The following GRM5 variants were observed in gnomAD, a reference collection of about 807,000 sequenced individuals.
GRM5 encodes the protein glutamate metabotropic receptor 5.
GRM5 carries 19 observed loss-of-function variants against 83.1 expected under a neutral mutation model. That is an observed-to-expected ratio of 0.23 (90% CI 0.16 to 0.34). GRM5 has a LOEUF of 0.34. GRM5 is among the 10% of genes least tolerant of loss of function. The pLI is 1.00. For synonymous variants in GRM5, 675 were observed against 633.6 expected (o/e 1.07, Z -0.98); for missense variants, 1,160 against 1,588.3 (o/e 0.73, Z 4.58).
At chr11:89,045,106 AC>A (rs761319425) in intron 2 of GRM5, among the ~76,000 whole-genome samples, 45 of 152,242 alleles carry the variant, frequency 3.0e-4, no homozygotes, top group Non-Finnish European at 2.4e-4. Context: ...ATTTCTTCCA[AC>A]CTTTGAATGT....
At chr11:88,780,399 CTT>C (rs1942951344) in intron 3 of GRM5, among the ~76,000 whole-genome samples, 1 of 152,142 alleles carries the variant, frequency 6.6e-6, no homozygotes, top group Non-Finnish European at 1.5e-5. Context: ...ATAGTCATGA[CTT>C]AACACTCCTC....
intron 2 of GRM5, among the ~76,000 whole-genome samples, chr11:88,995,544 CAAAAAAA>C (rs1022656205): frequency 4.7e-4 from 8 of 16,898 alleles, no homozygotes; most frequent in Admixed American, 8.5e-4. Context: ...GACTCCATCT[CAAAAAAA>C]AAAAAAAAAA....
intron 2 of GRM5, among the ~76,000 whole-genome samples, chr11:88,892,408 T>C (rs1279843530): frequency 6.6e-6 from 1 of 151,922 alleles, no homozygotes; most frequent in African/African-American, 2.4e-5. Context: ...GGACCTTAAG[T>C]GTAAAGTATT....
chr11:88,561,036 A>G lies in GRM5; in HGVS notation c.2630+6017T>C, dbSNP rs938154084. Among the ~76,000 whole-genome samples the G allele has an allele frequency of 3.3e-5, 5 of 152,230 alleles. No individual in the cohort carries two copies. In the South Asian group the frequency reaches 8.3e-4, roughly 25 times the overall value. ...TGGAAGATGAGTAGGATCTGGAGAG[A>G]TAGAAGGAAAAGGTGGAGGACTCTA... On this transcript the variant is annotated intron_variant, in intron 8 of 9. Coordinates refer to ENST00000305447, the MANE Select transcript of GRM5 (RefSeq NM_001143831.3).
rs183116430 is a variant in GRM5 at position 88,918,477 on chromosome 11, C to A, written c.662-68322G>T. 3.4e-4 allele frequency among the ~76,000 whole-genome samples: 51 copies of A among 151,520 alleles called. No individual in the cohort carries two copies. In the East Asian group the frequency reaches 9.7e-3, roughly 29 times the overall value. ...AAAAAAAAACCTGAGGGATTTCATC[C>A]ATACCAGATCTTTCCTAAAGAAAGT... On this transcript the variant is annotated intron_variant, in intron 2 of 9. Coordinates refer to ENST00000305447, the MANE Select transcript of GRM5 (RefSeq NM_001143831.3).
chr11:88,909,439 C>T (rs1169885238), intron 2 of GRM5, among the ~76,000 whole-genome samples: 3 of 149,888 alleles, frequency 2.0e-5, no homozygotes, highest in Non-Finnish European at 4.4e-5. Context: ...ACTACACTGC[C>T]ATCCCTTTTT....
chr11:89,020,772 T>C (rs1266778137), intron 2 of GRM5, among the ~76,000 whole-genome samples: 1 of 152,236 alleles, frequency 6.6e-6, no homozygotes, highest in Non-Finnish European at 1.5e-5. Flanking sequence ...ATTTATGCAA[T>C]ATATACTATG....
chr11:88,891,332 T>C (rs1470968851), intron 2 of GRM5, among the ~76,000 whole-genome samples: 1 of 152,126 alleles, frequency 6.6e-6, no homozygotes, highest in East Asian at 1.9e-4. Context: ...TTTATGACTA[T>C]CTGGAATTCT....
At chr11:88,859,593 A>T (rs913638008) in intron 2 of GRM5, among the ~76,000 whole-genome samples, 1 of 152,130 alleles carries the variant, frequency 6.6e-6, no homozygotes, top group Non-Finnish European at 1.5e-5. Context: ...CAAATAATTG[A>T]CAGCTAGTAA....
At chr11:88,996,796 T>C (rs1940198985) in intron 2 of GRM5, among the ~76,000 whole-genome samples, 1 of 152,204 alleles carries the variant, frequency 6.6e-6, no homozygotes, top group South Asian at 2.1e-4. Flanking sequence ...ATGCAGAATG[T>C]GTTGTTTGAC....
At chr11:89,012,547 T>C (rs1290691673) in intron 2 of GRM5, among the ~76,000 whole-genome samples, 1 of 152,248 alleles carries the variant, frequency 6.6e-6, no homozygotes, top group Non-Finnish European at 1.5e-5. Flanking sequence ...CTTATGACTC[T>C]ACATTGAATG....
At position 89,002,512 on chromosome 11, in the gene GRM5, G is replaced by A. The variant is rs192524313; in HGVS notation, c.661+44700C>T. ...GCCTCTTTTGTAATGAATCCTGATAGGTTATCCCCTTGGCAACCTGTCATT... is the reference window on the plus strand; with the variant it reads ...GCCTCTTTTGTAATGAATCCTGATAAGTTATCCCCTTGGCAACCTGTCATT... On this transcript the variant is annotated intron_variant, in intron 2 of 9. Transcript: ENST00000305447. Among the ~76,000 whole-genome samples the A allele has an allele frequency of 3.2e-3, 485 of 152,172 alleles. 2 individuals are homozygous for A. The highest frequency in any genetic ancestry group is 0.011 in the African/African-American group (456 of 41,542).
intron 8 of GRM5, among the ~76,000 whole-genome samples, chr11:88,532,532 G>A (rs542795008): frequency 1.8e-4 from 27 of 152,246 alleles, no homozygotes; most frequent in Non-Finnish European, 2.6e-4. Flanking sequence ...ACATGGAAGT[G>A]CAGAGACTTA....
At chr11:88,884,655 A>G (rs1244405931) in intron 2 of GRM5, among the ~76,000 whole-genome samples, 1 of 152,182 alleles carries the variant, frequency 6.6e-6, no homozygotes, top group Non-Finnish European at 1.5e-5. Flanking sequence ...CATAATTCCC[A>G]TGTGTCATGA....
chr11:88,525,517 G>T (rs1941851361), intron 8 of GRM5, 113 bp from the exon 9 acceptor site: 3 of 678,732 alleles, frequency 4.4e-6, no homozygotes, highest in Non-Finnish European at 7.9e-6. Flanking sequence ...CCAAAATGGG[G>T]GTTCCTGCTT....
chr11:88,891,130 G>A (rs1945137795), intron 2 of GRM5, among the ~76,000 whole-genome samples: 1 of 151,978 alleles, frequency 6.6e-6, no homozygotes, highest in South Asian at 2.1e-4. Flanking sequence ...AGGTTTGTAA[G>A]GATTTCATCT....
intron 3 of GRM5, among the ~76,000 whole-genome samples, chr11:88,747,789 C>T (rs527568783): frequency 7.4e-5 from 11 of 147,926 alleles, no homozygotes; most frequent in East Asian, 6.1e-4. Context: ...AATAGTTGTT[C>T]AACCACCTTC....
intron 2 of GRM5, among the ~76,000 whole-genome samples, chr11:88,971,380 G>A (rs1258223921): frequency 2.0e-5 from 3 of 151,992 alleles, no homozygotes; most frequent in East Asian, 3.9e-4. Context: ...TTATTTCATC[G>A]CTCAGATGAT....
Position 89,047,883 on chromosome 11 carries a change from G to A in GRM5, c.-11C>T. On this transcript the variant is annotated 5_prime_UTR_variant, in exon 2 of 10. Transcript: ENST00000305447. The surrounding 1 kb of genome is among the most constrained non-coding windows in gnomAD (Gnocchi z 5.1). ...CAACAGAAGGACCATTTTAGGAAAG[G>A]AGTTCAAGCCAATAAAGATAGCATG... The A allele has an allele frequency of 6.2e-7, 1 of 1,609,220 alleles. No individual in the cohort carries two copies. The highest frequency in any genetic ancestry group is 1.1e-5 in the South Asian group (1 of 90,730).
Sources: allele counts gnomAD v4.1 joint callset (sites outside exome capture counted in the v4.1 genomes callset), GRCh38; gene constraint gnomAD v4.1.1; non-coding constraint Gnocchi (gnomAD v3.1); transcripts MANE v1.5; gene names NCBI Gene and HGNC (gene_info 2026-07-23, HGNC 2026-07-21).